The following HDAC1 variants were observed in gnomAD, a reference collection of about 807,000 sequenced individuals.
HDAC1 encodes the protein histone deacetylase 1.
A neutral mutation model predicts 65.5 loss-of-function variants in HDAC1; 18 were observed. The ratio of observed to expected loss-of-function variants is 0.27; its 90% CI spans 0.19 to 0.41. The LOEUF (loss-of-function observed/expected upper bound fraction) is 0.41, where lower values mean the gene tolerates loss of function less well. HDAC1 is among the 10% of genes least tolerant of loss of function. HDAC1 has a pLI of 1.00. For missense variants in HDAC1, 373 were observed against 625.2 expected (o/e 0.60, Z 4.30); for synonymous variants, 211 against 227.9 (o/e 0.93, Z 0.67).
At position 32,324,559 on chromosome 1, in the gene HDAC1, G is replaced by T; in HGVS notation, c.355+6G>T. On this transcript the variant is annotated splice_donor_region_variant and intron_variant, in intron 4 of 13. Transcript: ENST00000373548. ...GTCTACTGGTGGTTCTGTGGGTAAGGAATATTCATCTTCTCCCCAGGGGTA... is the reference window on the plus strand; with the variant it reads ...GTCTACTGGTGGTTCTGTGGGTAAGTAATATTCATCTTCTCCCCAGGGGTA... 1 of 1,596,208 alleles carries T rather than the reference G, an allele frequency of 6.3e-7. No homozygotes were observed. The highest frequency in any genetic ancestry group is 1.3e-5 in the African/African-American group (1 of 74,690).
At position 32,327,126 on chromosome 1, in the gene HDAC1, C is replaced by A; in HGVS notation, c.494+49C>A. On this transcript the variant is annotated intron_variant, in intron 5 of 13. Transcript: ENST00000373548. This position sits in a 1 kb window ranked among gnomAD's most constrained non-coding sequence, Gnocchi z 6.0. ...TTGGAAGAGCACCTTAGGCCAGGTTCCCATTTCCCTCTTCCCCTGGGCTTG... is the reference window on the plus strand; with the variant it reads ...TTGGAAGAGCACCTTAGGCCAGGTTACCATTTCCCTCTTCCCCTGGGCTTG... 1 of 1,596,258 alleles carries A rather than the reference C, an allele frequency of 6.3e-7. No individual in the cohort carries two copies. The highest frequency in any genetic ancestry group is 8.6e-7 in the Non-Finnish European group (1 of 1,167,642).
chr1:32,306,253 C>T (rs551088278), intron 2 of HDAC1, among the ~76,000 whole-genome samples: 3 of 149,192 alleles, frequency 2.0e-5, no homozygotes, highest in African/African-American at 2.5e-5. Flanking sequence ...TGCAATGGCG[C>T]GATCTTGGCT....
chr1:32,298,364 G>T (rs994372472), intron 1 of HDAC1, among the ~76,000 whole-genome samples: 2 of 152,044 alleles, frequency 1.3e-5, no homozygotes, highest in Non-Finnish European at 2.9e-5. Context: ...TGGGATTACA[G>T]GCGTCAGGCA....
chr1:32,327,423 G>T lies in HDAC1; in HGVS notation c.495-113G>T. Reference sequence around the variant, plus strand: ...TCCTTCAGCCAGTTTCCACGTCTCTGGTGCTTAGAGATACCTGAGGGAGGC... The same window carrying T: ...TCCTTCAGCCAGTTTCCACGTCTCTTGTGCTTAGAGATACCTGAGGGAGGC... On this transcript the variant is annotated intron_variant, in intron 5 of 13. Coordinates refer to ENST00000373548, the MANE Select transcript of HDAC1 (RefSeq NM_004964.3). The surrounding 1 kb of genome is among the most constrained non-coding windows in gnomAD (Gnocchi z 6.0). 1.2e-6 allele frequency: 1 copy of T among 817,142 alleles called. No homozygotes were observed. The highest frequency in any genetic ancestry group is 2.0e-5 in the Admixed American group (1 of 50,424). 50.6% of individuals were successfully genotyped at this position (817,142 alleles called of 1,614,324 possible).
intron 3 of HDAC1, among the ~76,000 whole-genome samples, chr1:32,319,315 CCTCT>C (rs569020074): frequency 1.8e-3 from 275 of 152,152 alleles, no homozygotes; most frequent in Non-Finnish European, 3.0e-3. Context: ...GAAGAATAAG[CCTCT>C]CTAAGAACTT....
chr1:32,302,602 G>A lies in HDAC1; in HGVS notation c.50-19G>A. 8.1e-7 allele frequency: 1 copy of A among 1,241,586 alleles called. No homozygotes were observed. The highest frequency in any genetic ancestry group is 1.2e-6 in the Non-Finnish European group (1 of 839,652). 76.9% of individuals were successfully genotyped at this position (1,241,586 alleles called of 1,614,324 possible). A position where few individuals can be genotyped will look rare whatever the true frequency, so the allele number is the denominator to read the frequency against. On this transcript the variant is annotated intron_variant, in intron 1 of 13. Coordinates refer to ENST00000373548, the MANE Select transcript of HDAC1 (RefSeq NM_004964.3). ...TATGCCTAACTGTGTTAGTGAAGCT[G>A]TCACTCTCTCTTCTTCAGGGGATGT...
chr1:32,324,203 G>A (rs945538531), intron 3 of HDAC1, among the ~76,000 whole-genome samples: 1 of 152,186 alleles, frequency 6.6e-6, no homozygotes, highest in African/African-American at 2.4e-5. Context: ...GAGCCCAGGA[G>A]GTGAGGGTCA....
chr1:32,328,316 C>CT (rs553363907), intron 6 of HDAC1, among the ~76,000 whole-genome samples: 2,243 of 142,704 alleles, frequency 0.016, 38 homozygotes, highest in East Asian at 0.066. Context: ...TGAGCATTCA[C>CT]TTTTTTTTTT....
At position 32,331,591 on chromosome 1, in the gene HDAC1, A is replaced by G; in HGVS notation, c.1088+9A>G. ...TACCTGGAGAAGATCAAGTGAGTAT[A>G]TCCTCCAGCCACCCCTTGGTTGAAC... On this transcript the variant is annotated intron_variant, in intron 10 of 13. Transcript: ENST00000373548. The surrounding 1 kb of genome is among the most constrained non-coding windows in gnomAD (Gnocchi z 4.2). 1 of 1,607,610 alleles carries G rather than the reference A, an allele frequency of 6.2e-7. No homozygotes were observed.
At chr1:32,294,660 G>A (rs1237086030) in intron 1 of HDAC1, among the ~76,000 whole-genome samples, 3 of 151,654 alleles carry the variant, frequency 2.0e-5, no homozygotes, top group South Asian at 2.1e-4. Context: ...GACTACAGGC[G>A]CCCGCCACCA....
intron 1 of HDAC1, among the ~76,000 whole-genome samples, chr1:32,302,033 G>A (rs1640855726): frequency 6.6e-6 from 1 of 152,210 alleles, no homozygotes; most frequent in African/African-American, 2.4e-5. Context: ...TAACTCTGGT[G>A]ACAGTGTGGC....
intron 2 of HDAC1, among the ~76,000 whole-genome samples, chr1:32,312,439 C>T (rs1006761143): frequency 6.6e-6 from 1 of 152,116 alleles, no homozygotes; most frequent in South Asian, 2.1e-4. Flanking sequence ...AAGCTCACTG[C>T]AACCTCTGCC....
In HDAC1 at chr1:32,332,161, C is replaced by T. The variant is rs1412932910; in HGVS notation, c.1291C>T (p.Arg431Cys). The T allele has an allele frequency of 2.5e-6, 4 of 1,613,168 alleles. No individual in the cohort carries two copies. Among genetic ancestry groups the T allele is most frequent in the Non-Finnish European group, 3.4e-6 (4 of 1,179,540 alleles). ...SDSEEEGEGG[R>C]KNSSNFKKAK... ...TTCTGAAGAGGAGGGAGAGGGGGGC[C>T]GCAAGAACTCTTCCAACTTCAAAAA... Residue 431 changes from arginine to cysteine, a missense_variant, in exon 12 of 14, where the codon CGC becomes TGC. Arg to Cys is a radical substitution (Grantham distance 180, BLOSUM62 -3). Coordinates refer to ENST00000373548, the MANE Select transcript of HDAC1 (RefSeq NM_004964.3).
chr1:32,331,593 C>T lies in HDAC1; in HGVS notation c.1088+11C>T, dbSNP rs1384377732. ...CCTGGAGAAGATCAAGTGAGTATAT[C>T]CTCCAGCCACCCCTTGGTTGAACAT... On this transcript the variant is annotated intron_variant, in intron 10 of 13. Coordinates refer to ENST00000373548, the MANE Select transcript of HDAC1 (RefSeq NM_004964.3). The surrounding 1 kb of genome is among the most constrained non-coding windows in gnomAD (Gnocchi z 4.2). The T allele has an allele frequency of 6.2e-7, 1 of 1,606,542 alleles. No individual in the cohort carries two copies. The highest frequency in any genetic ancestry group is 2.2e-5 in the East Asian group (1 of 44,838).
intron 3 of HDAC1, among the ~76,000 whole-genome samples, 168 bp from the exon 4 acceptor site, chr1:32,324,311 A>G (rs1287583129): frequency 1.3e-5 from 2 of 152,198 alleles, no homozygotes; most frequent in Non-Finnish European, 2.9e-5. Flanking sequence ...ATAATGGGCT[A>G]AAGCTCAAAG....
At chr1:32,298,457 G>C (rs909973804) in intron 1 of HDAC1, among the ~76,000 whole-genome samples, 4 of 151,676 alleles carry the variant, frequency 2.6e-5, no homozygotes, top group Admixed American at 2.6e-4. Context: ...CTTACCTCAT[G>C]ATCCACCCGC....
chr1:32,330,582 T>C lies in HDAC1; in HGVS notation c.734T>C (p.Met245Thr), dbSNP rs1641278146. The change falls in exon 8 of 14, where the codon ATG (methionine) becomes ACG (threonine). Residue 245 changes from methionine (M) to threonine (T), a missense_variant. By Grantham distance (81) the Met-to-Thr change is moderately conservative. Around this residue, in one of 4 missense-constraint regions of HDAC1, gnomAD observed 105 missense variants for 192.6 expected, o/e 0.55. Coordinates refer to ENST00000373548, the MANE Select transcript of HDAC1 (RefSeq NM_004964.3). The surrounding 1 kb of genome is among the most constrained non-coding windows in gnomAD (Gnocchi z 4.2). ...GACCAGGATGTATCATTTTAGGTCA[T>C]GTCCAAAGTAATGGAGATGTTCCAG... ...ESYEAIFKPV[M>T]SKVMEMFQPS... 5.6e-6 allele frequency: 9 copies of C among 1,610,070 alleles called. No homozygotes were observed. Among genetic ancestry groups the C allele is most frequent in the East Asian group, 2.2e-5 (1 of 44,846 alleles).
At position 32,333,028 on chromosome 1, in the gene HDAC1, A is replaced by T. The variant is rs764829265; in HGVS notation, c.1433A>T (p.Glu478Val). Residue 478 changes from glutamate (E) to valine (V), a missense_variant, in exon 14 of 14, where the codon GAG (glutamate) becomes GTG (valine). Transcript: ENST00000373548. Reference protein sequence around the residue: ...EKPEAKGVKEEVKLA With the variant: ...EKPEAKGVKEVVKLA Reference sequence around the variant, plus strand: ...TGCTCTCTCCACAGGGTCAAGGAGGAGGTCAAGTTGGCCTGAATGGACCTC... The same window carrying T: ...TGCTCTCTCCACAGGGTCAAGGAGGTGGTCAAGTTGGCCTGAATGGACCTC... 46 of 1,613,726 alleles carry T rather than the reference A, an allele frequency of 2.9e-5. 1 individual carries two copies. The Admixed American group carries it at 3.7e-4, about 13-fold the overall frequency.
At chr1:32,324,694 G>T in intron 4 of HDAC1, 141 bp downstream of exon 4, 1 of 678,472 alleles carries the variant, frequency 1.5e-6, no homozygotes, top group Non-Finnish European at 2.7e-6. Context: ...AAAATGGCTG[G>T]TGTAGTGTCT....
Sources: allele counts gnomAD v4.1 joint callset (sites outside exome capture counted in the v4.1 genomes callset), GRCh38; gene constraint gnomAD v4.1.1; regional missense constraint gnomAD v4.1.1; non-coding constraint Gnocchi (gnomAD v3.1); transcripts MANE v1.5; gene names NCBI Gene and HGNC (gene_info 2026-07-23, HGNC 2026-07-21).